ASAP1: variants seen among roughly 807,000 people sequenced by gnomAD.
ASAP1 encodes the protein arf-GAP with SH3 domain, ANK repeat and PH domain-containing protein 1.
A neutral mutation model predicts 145.2 loss-of-function variants in ASAP1; 43 were observed. The ratio of observed to expected loss-of-function variants is 0.30; its 90% CI spans 0.23 to 0.38. The LOEUF (loss-of-function observed/expected upper bound fraction) is 0.38. Among genes scored for constraint, ASAP1 ranks in the 10% least tolerant of loss-of-function variants. ASAP1 has a pLI of 1.00. For synonymous variants in ASAP1, 546 were observed against 515.5 expected (o/e 1.06, Z -0.80); for missense variants, 1,018 against 1,355.3 (o/e 0.75, Z 3.91).
chr8:130,361,650 A>C (rs2138196019), intron 2 of ASAP1: 1 of 1,487,626 alleles, frequency 6.7e-7, no homozygotes, highest in Non-Finnish European at 9.1e-7. Flanking sequence ...ACAATTTCAA[A>C]GGTTCACACC....
chr8:130,314,053 A>G (rs1429666307), intron 3 of ASAP1, among the ~76,000 whole-genome samples: 1 of 152,204 alleles, frequency 6.6e-6, no homozygotes, highest in African/African-American at 2.4e-5. Context: ...CTGCATGTAA[A>G]TGGACATTAT....
chr8:130,159,942 C>T lies in ASAP1; in HGVS notation c.932G>A (p.Gly311Glu). ...GCCCTGGAGCTGATGCATGCTGTAT[C>T]CTCCTTGCCGGCTCTGAGAATCCTA... Reference protein sequence around the residue: ...QKEDSQSRQGGYSMHQLQGNK... With the variant: ...QKEDSQSRQGEYSMHQLQGNK... Residue 311 changes from glycine (G) to glutamate (E), a missense_variant, in exon 12 of 30, where the codon GGA (glycine) becomes GAA (glutamate). By Grantham distance (98) the Gly-to-Glu change is moderately conservative. This residue lies in a region of ASAP1 where 62 missense variants were observed against 68.5 expected (regional missense o/e 0.90). Transcript: ENST00000518721. 1 of 1,614,048 alleles carries T rather than the reference C, an allele frequency of 6.2e-7. No individual in the cohort carries two copies. The highest frequency in any genetic ancestry group is 8.5e-7 in the Non-Finnish European group (1 of 1,179,982).
intron 11 of ASAP1, among the ~76,000 whole-genome samples, chr8:130,160,555 C>T (rs1485992591): frequency 2.6e-5 from 4 of 152,054 alleles, no homozygotes; most frequent in Non-Finnish European, 5.9e-5. Flanking sequence ...GTTATGATGT[C>T]GTGGAGGGTG....
In ASAP1 at chr8:130,179,366, G is replaced by A; in HGVS notation, c.661-17C>T. ...AATGAGATACTGTGAAAATAAAACA[G>A]GGTTTTGCGTTGATTAATTCCAGAT... On this transcript the variant is annotated splice_polypyrimidine_tract_variant and intron_variant, in intron 8 of 29. Coordinates refer to ENST00000518721, the MANE Select transcript of ASAP1 (RefSeq NM_018482.4). 6.5e-7 allele frequency: 1 copy of A among 1,532,802 alleles called. No individual in the cohort carries two copies. The highest frequency in any genetic ancestry group is 9.0e-7 in the Non-Finnish European group (1 of 1,106,842). The allele number at this position is 1,532,802 out of a possible 1,614,324, so 95.0% of individuals were successfully genotyped here. A position where few individuals can be genotyped will look rare whatever the true frequency, so the allele number is the denominator to read the frequency against.
At chr8:130,349,387 GCAATAATA>G (rs2138027044) in intron 3 of ASAP1, among the ~76,000 whole-genome samples, 1 of 152,242 alleles carries the variant, frequency 6.6e-6, no homozygotes, top group African/African-American at 2.4e-5. Flanking sequence ...ATTGTCTAAT[GCAATAATA>G]CAATAATACA....
At chr8:130,188,576 A>G (rs775748433) in intron 5 of ASAP1, among the ~76,000 whole-genome samples, 4 of 152,000 alleles carry the variant, frequency 2.6e-5, no homozygotes, top group Non-Finnish European at 5.9e-5. Context: ...TCTGCTAAAA[A>G]TACAAAAATT....
chr8:130,380,449 T>TTGCAGGG (rs1037645383), intron 2 of ASAP1, among the ~76,000 whole-genome samples: 36 of 152,216 alleles, frequency 2.4e-4, no homozygotes, highest in Admixed American at 2.3e-3. Flanking sequence ...GCCTGAGGGT[T>TTGCAGGG]TGCAGGGTGC....
intron 25 of ASAP1, among the ~76,000 whole-genome samples, chr8:130,080,470 TTCTCTC>T (rs757219224): frequency 9.3e-6 from 1 of 108,054 alleles, no homozygotes; most frequent in Non-Finnish European, 2.1e-5. Flanking sequence ...TCGTCATTCA[TTCTCTC>T]TCTTTTTTTT....
chr8:130,072,828 C>CGTGTGCGT (rs1158661625), intron 27 of ASAP1, among the ~76,000 whole-genome samples: 63 of 27,630 alleles, frequency 2.3e-3, no homozygotes, highest in South Asian at 5.8e-3. Flanking sequence ...TGTGTGTGCG[C>CGTGTGCGT]GCGGGGGGGG....
chr8:130,099,523 G>C (rs1244458208), intron 24 of ASAP1, among the ~76,000 whole-genome samples: 1 of 151,906 alleles, frequency 6.6e-6, no homozygotes, highest in Non-Finnish European at 1.5e-5. Context: ...TGGAGATGGG[G>C]TTTTGCTATG....
At chr8:130,332,778 T>C (rs66488832) in intron 3 of ASAP1, among the ~76,000 whole-genome samples, 25,137 of 152,144 alleles carry the variant, frequency 0.17, 2,339 homozygotes, top group African/African-American at 0.24. Flanking sequence ...GAAGAAGCCA[T>C]TAATATGTCA....
intron 13 of ASAP1, among the ~76,000 whole-genome samples, chr8:130,145,786 G>C (rs2097627761): frequency 6.6e-6 from 1 of 151,642 alleles, no homozygotes; most frequent in African/African-American, 2.4e-5. Flanking sequence ...AAAAGGTTAA[G>C]TTAACTCAGC....
intron 4 of ASAP1, among the ~76,000 whole-genome samples, chr8:130,221,494 A>T (rs1586624348): frequency 6.6e-6 from 1 of 152,074 alleles, no homozygotes; most frequent in Non-Finnish European, 1.5e-5. Context: ...TTTCCCCCTT[A>T]TATTTATCTT....
chr8:130,252,370 A>G (rs1006998529), intron 3 of ASAP1, among the ~76,000 whole-genome samples: 1 of 152,208 alleles, frequency 6.6e-6, no homozygotes, highest in African/African-American at 2.4e-5. Flanking sequence ...TTTTTCTTTT[A>G]AAATAATTTC....
intron 12 of ASAP1, among the ~76,000 whole-genome samples, chr8:130,159,159 C>T (rs1201851176): frequency 6.6e-6 from 1 of 152,196 alleles, no homozygotes; most frequent in Non-Finnish European, 1.5e-5. Flanking sequence ...AGCAGCAGCT[C>T]ACCCTAGAGC....
chr8:130,132,586 A>G (rs1448871297), intron 15 of ASAP1, among the ~76,000 whole-genome samples: 1 of 152,088 alleles, frequency 6.6e-6, no homozygotes, highest in Non-Finnish European at 1.5e-5. Flanking sequence ...CCCCGAGTCT[A>G]TTCCTCCAGC....
intron 2 of ASAP1, among the ~76,000 whole-genome samples, chr8:130,371,719 A>G (rs1051164912): frequency 1.3e-5 from 2 of 152,236 alleles, no homozygotes; most frequent in Admixed American, 6.5e-5. Context: ...TATGATAAAG[A>G]GAGTAGAACC....
chr8:130,185,041 A>G (rs936046690), intron 7 of ASAP1, among the ~76,000 whole-genome samples: 6 of 152,210 alleles, frequency 3.9e-5, no homozygotes, highest in Non-Finnish European at 7.3e-5. Context: ...AGCCTTCTCC[A>G]TTATCAAAAC....
intron 26 of ASAP1, among the ~76,000 whole-genome samples, chr8:130,077,536 GCTTT>G (rs1225394022): frequency 1.8e-5 from 2 of 109,510 alleles, no homozygotes; most frequent in African/African-American, 6.8e-5. Flanking sequence ...TGCTGCTGCT[GCTTT>G]TTTTTTTTTT....
Sources: gnomAD v4.1 joint callset for allele counts (sites outside exome capture counted in the v4.1 genomes callset) on GRCh38, gnomAD v4.1.1 for gene constraint, gnomAD v4.1.1 regional missense constraint, MANE v1.5 for transcripts, NCBI Gene and HGNC (gene_info 2026-07-23, HGNC 2026-07-21) for gene names.